Variants in GABRA5 observed in about 807,000 individuals in gnomAD.
GABRA5 encodes gamma-aminobutyric acid type A receptor subunit alpha5.
In GABRA5, 18 loss-of-function variants were observed where a neutral mutation model predicts 47.3. That is an observed-to-expected ratio of 0.38 (90% CI 0.26 to 0.56). The LOEUF is 0.56. Ranked by LOEUF, GABRA5 falls within the 20% of genes least tolerant of loss-of-function variation. GABRA5 has a pLI of 0.71. For missense variants in GABRA5, 365 were observed against 599.3 expected, an observed-to-expected ratio of 0.61 and a Z score of 4.08; for synonymous variants, 237 against 229.3, an observed-to-expected ratio of 1.03 and a Z score of -0.30.
intron 4 of GABRA5, 144 bp downstream of exon 4, chr15:26,881,111 C>G: frequency 1.2e-6 from 1 of 812,208 alleles, no homozygotes; most frequent in African/African-American, 1.7e-5. Flanking sequence ...TCCACTCTTG[C>G]CAAGAATCAT....
In GABRA5 at chr15:26,934,264, A is replaced by AG. The variant is rs1555393299; in HGVS notation, c.581-2921_581-2920insG. 4.0e-5 allele frequency among the ~76,000 whole-genome samples: 6 copies of AG among 150,876 alleles called. No homozygotes were observed. In the East Asian group the frequency reaches 6.0e-4, roughly 15 times the overall value. ...GAGAATGTTTAAAAAAAAAAAAAAA[A>AG]AAAGAAAGAAAGAAAAAAAAGGAAA... On this transcript the variant is annotated intron_variant, in intron 7 of 10. Transcript: ENST00000335625.
At chr15:26,895,685 C>A (rs955532707) in intron 6 of GABRA5, among the ~76,000 whole-genome samples, 15 of 151,640 alleles carry the variant, frequency 9.9e-5, no homozygotes, top group African/African-American at 3.4e-4. Context: ...TGGTGGCACT[C>A]GCCTGTAATC....
At chr15:26,912,541 T>G (rs960724822) in intron 6 of GABRA5, among the ~76,000 whole-genome samples, 5 of 152,230 alleles carry the variant, frequency 3.3e-5, no homozygotes, top group African/African-American at 1.2e-4. Context: ...AATTTATGAT[T>G]GAAGAGGTCA....
intron 1 of GABRA5, among the ~76,000 whole-genome samples, chr15:26,868,261 G>A (rs1280520255): frequency 6.6e-6 from 1 of 151,968 alleles, no homozygotes; most frequent in African/African-American, 2.4e-5. Context: ...CGAGCCCCCC[G>A]GACGCGCCCA....
chr15:26,875,746 G>A (rs569209355), intron 3 of GABRA5, among the ~76,000 whole-genome samples: 13 of 152,220 alleles, frequency 8.5e-5, no homozygotes, highest in African/African-American at 2.9e-4. Flanking sequence ...ATCACATTCC[G>A]AAAGTGCTAT....
At chr15:26,927,010 A>T (rs1475406252) in intron 7 of GABRA5, among the ~76,000 whole-genome samples, 1 of 152,176 alleles carries the variant, frequency 6.6e-6, no homozygotes, top group Non-Finnish European at 1.5e-5. Context: ...AATAAGATTC[A>T]TATTATATAT....
intron 6 of GABRA5, among the ~76,000 whole-genome samples, chr15:26,912,708 G>T (rs749201484): frequency 1.3e-5 from 2 of 152,170 alleles, no homozygotes; most frequent in African/African-American, 4.8e-5. Context: ...GGTGATGGGG[G>T]AAGTACTTCT....
chr15:26,940,301 T>C (rs528634721), intron 9 of GABRA5, among the ~76,000 whole-genome samples: 72 of 152,332 alleles, frequency 4.7e-4, no homozygotes, highest in African/African-American at 1.7e-3. Context: ...ATTTGATAGT[T>C]ATTTACTTGT....
chr15:26,920,836 T>G (rs979156777), intron 7 of GABRA5, among the ~76,000 whole-genome samples: 1 of 152,188 alleles, frequency 6.6e-6, no homozygotes, highest in Non-Finnish European at 1.5e-5. Context: ...TAGGGTCTGC[T>G]GGATCCCACT....
In GABRA5 at chr15:26,893,428, T is replaced by TATGTGTATGTA. The variant is rs1189954218; in HGVS notation, c.497+9871_497+9872insATGTGTATGTA. 6.1e-3 allele frequency among the ~76,000 whole-genome samples: 931 copies of TATGTGTATGTA among 151,724 alleles called. 1 individual carries two copies. Among genetic ancestry groups the TATGTGTATGTA allele is most frequent in the Middle Eastern group, 0.01 (3 of 292 alleles). On this transcript the variant is annotated intron_variant, in intron 6 of 10. Transcript: ENST00000335625. Reference sequence around the variant, plus strand: ...TGTTGTGTGTGTTGTGTGTGTATGGTGTGTGGCGTGTGTGTGACTGCCCCT... The same window carrying TATGTGTATGTA: ...TGTTGTGTGTGTTGTGTGTGTATGGTATGTGTATGTAGTGTGGCGTGTGTGTGACTGCCCCT...
intron 7 of GABRA5, among the ~76,000 whole-genome samples, chr15:26,922,591 T>A (rs1309898112): frequency 6.6e-6 from 1 of 152,218 alleles, no homozygotes; most frequent in African/African-American, 2.4e-5. Flanking sequence ...AAGGCTTAAG[T>A]CTGCCATTTC....
intron 7 of GABRA5, among the ~76,000 whole-genome samples, chr15:26,921,696 T>A (rs1018551323): frequency 3.9e-5 from 6 of 152,148 alleles, no homozygotes; most frequent in Admixed American, 2.0e-4. Flanking sequence ...GGTTATTGAT[T>A]TGAGACTTTT....
At position 26,890,700 on chromosome 15, in the gene GABRA5, G is replaced by A. The variant is rs115567938; in HGVS notation, c.497+7143G>A. ...TGAAGTTCTGTGTTCCCCACAGAGC[G>A]TCTTTTGGACATATATGTCTCAATC... On this transcript the variant is annotated intron_variant, in intron 6 of 10. Transcript: ENST00000335625. 5.9e-3 allele frequency among the ~76,000 whole-genome samples: 896 copies of A among 152,274 alleles called. 12 individuals carry two copies. The highest frequency in any genetic ancestry group is 0.021 in the African/African-American group (859 of 41,542).
intron 7 of GABRA5, among the ~76,000 whole-genome samples, chr15:26,918,264 G>A (rs997044261): frequency 6.6e-6 from 1 of 151,876 alleles, no homozygotes; most frequent in Admixed American, 6.6e-5. Flanking sequence ...TTGGCCCATT[G>A]GTTGTACAAA....
chr15:26,917,429 T>G (rs1729406483), intron 7 of GABRA5, among the ~76,000 whole-genome samples: 1 of 152,108 alleles, frequency 6.6e-6, no homozygotes, highest in South Asian at 2.1e-4. Flanking sequence ...AAATTCTGCT[T>G]GGATACGAAT....
At chr15:26,931,913 G>C (rs902357725) in intron 7 of GABRA5, among the ~76,000 whole-genome samples, 2 of 151,984 alleles carry the variant, frequency 1.3e-5, no homozygotes, top group Non-Finnish European at 2.9e-5. Flanking sequence ...TAGCAGGCAG[G>C]ATATGCAGAA....
rs2140611082 is a variant in GABRA5, at chr15:26,948,562, T to C, written c.*329T>C. 1 of 224,606 alleles carries C rather than the reference T, an allele frequency of 4.5e-6. No homozygotes were observed. The highest frequency in any genetic ancestry group is 1.2e-4 in the South Asian group (1 of 8,242). 13.9% of individuals were successfully genotyped at this position (224,606 alleles called of 1,614,324 possible). ...TTCAAGTGTTACCTAACAATGTTTT[T>C]TATACTTCAAATGTCATTTCATACA... On this transcript the variant is annotated 3_prime_UTR_variant, in exon 11 of 11. Coordinates refer to ENST00000335625, the MANE Select transcript of GABRA5 (RefSeq NM_000810.4).
chr15:26,910,260 C>T (rs917177054), intron 6 of GABRA5, among the ~76,000 whole-genome samples: 3 of 151,956 alleles, frequency 2.0e-5, no homozygotes, highest in African/African-American at 7.3e-5. Context: ...GACCCTAAGC[C>T]CTCAATTACG....
chr15:26,909,888 T>C (rs527859277), intron 6 of GABRA5, among the ~76,000 whole-genome samples: 6 of 152,340 alleles, frequency 3.9e-5, no homozygotes, highest in Middle Eastern at 3.4e-3. Context: ...CCTGCCACTG[T>C]CACACCTACT....
Sources: allele counts gnomAD v4.1 joint callset (sites outside exome capture counted in the v4.1 genomes callset), GRCh38; gene constraint gnomAD v4.1.1; transcripts MANE v1.5; gene names NCBI Gene and HGNC (gene_info 2026-07-23, HGNC 2026-07-21).